ACOT7: variants seen among roughly 807,000 people sequenced by gnomAD.
The protein encoded by ACOT7 is acyl-CoA thioesterase 7.
In ACOT7, 12 loss-of-function variants were observed where a neutral mutation model predicts 40.2. That is an observed-to-expected ratio of 0.30 (90% CI 0.19 to 0.48). ACOT7 has a LOEUF of 0.48. Ranked by LOEUF, ACOT7 falls within the 20% of genes least tolerant of loss-of-function variation. ACOT7 has a pLI of 0.99. For missense variants in ACOT7, 395 were observed against 530.8 expected, an observed-to-expected ratio of 0.74 and a Z score of 2.51; for synonymous variants, 228 against 219.5, an observed-to-expected ratio of 1.04 and a Z score of -0.34.
At chr1:6,354,886 C>A (rs1258456972) in intron 1 of ACOT7, among the ~76,000 whole-genome samples, 1 of 151,490 alleles carries the variant, frequency 6.6e-6, no homozygotes, top group Non-Finnish European at 1.5e-5. Context: ...TCTGCACTTG[C>A]CTCTTGCCTT....
At chr1:6,385,781 G>A (rs1642428345) in intron 1 of ACOT7, 1 of 1,439,024 alleles carries the variant, frequency 6.9e-7, no homozygotes, top group East Asian at 2.5e-5. Context: ...CTCCCTGATA[G>A]AAAGCACCAG....
chr1:6,334,694 C>T (rs1641052181), intron 3 of ACOT7, among the ~76,000 whole-genome samples: 3 of 152,218 alleles, frequency 2.0e-5, no homozygotes, highest in Non-Finnish European at 4.4e-5. Context: ...ACAGGGAAGG[C>T]TGTCCGTGCT....
At chr1:6,327,481 G>T in intron 4 of ACOT7, 68 bp from the exon 5 acceptor site, 1 of 1,447,114 alleles carries the variant, frequency 6.9e-7, no homozygotes. Context: ...GGGCGGCCAT[G>T]ATCCCAGGCC....
intron 6 of ACOT7, among the ~76,000 whole-genome samples, chr1:6,310,610 C>T (rs1640304690): frequency 6.6e-6 from 1 of 152,212 alleles, no homozygotes; most frequent in Non-Finnish European, 1.5e-5. Context: ...TCTGAGGCCC[C>T]TGAATCATCA....
At chr1:6,371,510 G>C (rs991680995) in intron 1 of ACOT7, among the ~76,000 whole-genome samples, 3 of 151,796 alleles carry the variant, frequency 2.0e-5, no homozygotes, top group African/African-American at 7.3e-5. Context: ...CTACAGGCAA[G>C]TGCCACCACA....
intron 8 of ACOT7, among the ~76,000 whole-genome samples, chr1:6,280,642 G>A (rs1639327790): frequency 6.6e-6 from 1 of 152,194 alleles, no homozygotes; most frequent in Non-Finnish European, 1.5e-5. Flanking sequence ...AGGACCACCT[G>A]GAGGGAGCCC....
intron 3 of ACOT7, among the ~76,000 whole-genome samples, chr1:6,336,953 G>A (rs1421753349): frequency 6.6e-6 from 1 of 152,204 alleles, no homozygotes; most frequent in African/African-American, 2.4e-5. Context: ...ACCAAGATAT[G>A]GAGAAAAGCT....
chr1:6,343,954 G>A (rs912460682), intron 2 of ACOT7, among the ~76,000 whole-genome samples: 2 of 152,214 alleles, frequency 1.3e-5, no homozygotes, highest in African/African-American at 2.4e-5. Context: ...CTGGGGGGAC[G>A]GACGAGAAGT....
intron 2 of ACOT7, 149 bp from the exon 3 acceptor site, chr1:6,339,738 G>GTT: frequency 2.2e-5 from 17 of 762,272 alleles, no homozygotes; most frequent in Non-Finnish European, 2.5e-5. Context: ...TTGGCACCGC[G>GTT]GTTTTTTTTT....
chr1:6,370,066 AG>A (rs1272139794), intron 1 of ACOT7, among the ~76,000 whole-genome samples: 1 of 152,170 alleles, frequency 6.6e-6, no homozygotes, highest in Non-Finnish European at 1.5e-5. Context: ...TCCCTCTGGA[AG>A]GGCATGGTGC....
intron 3 of ACOT7, among the ~76,000 whole-genome samples, chr1:6,335,350 A>T (rs901261660): frequency 4.7e-5 from 7 of 150,480 alleles, no homozygotes. Context: ...AAAAAAAAAA[A>T]AATTAGCTGG....
intron 1 of ACOT7, among the ~76,000 whole-genome samples, chr1:6,369,122 T>TAC (rs1219768052): frequency 6.6e-6 from 1 of 151,894 alleles, no homozygotes; most frequent in African/African-American, 2.4e-5. Flanking sequence ...TAGCTGGGAT[T>TAC]ACACACACAT....
intron 1 of ACOT7, among the ~76,000 whole-genome samples, chr1:6,361,574 G>A (rs923474555): frequency 2.0e-5 from 3 of 152,118 alleles, no homozygotes; most frequent in African/African-American, 4.8e-5. Flanking sequence ...CGAGGCAGGC[G>A]GATCATCTGA....
chr1:6,366,596 A>C (rs1378264885), intron 1 of ACOT7, among the ~76,000 whole-genome samples: 1 of 151,950 alleles, frequency 6.6e-6, no homozygotes, highest in South Asian at 2.1e-4. Context: ...CAAATAAAAA[A>C]AAAAAAAAAG....
intron 6 of ACOT7, among the ~76,000 whole-genome samples, chr1:6,295,910 A>G (rs1639799626): frequency 6.6e-6 from 1 of 151,846 alleles, no homozygotes; most frequent in Middle Eastern, 3.2e-3. Flanking sequence ...TGTACACTTT[A>G]TTTTTGTTTT....
chr1:6,381,025 G>T (rs1382694297), intron 1 of ACOT7, among the ~76,000 whole-genome samples: 1 of 150,608 alleles, frequency 6.6e-6, no homozygotes, highest in Admixed American at 6.6e-5. Context: ...CTCCTAAAAC[G>T]CAACAATAAA....
intron 1 of ACOT7, among the ~76,000 whole-genome samples, chr1:6,360,199 G>A (rs553344187): frequency 2.6e-5 from 4 of 152,312 alleles, no homozygotes; most frequent in South Asian, 2.1e-4. Flanking sequence ...TGCTGCCCCC[G>A]CCCAGGGATG....
intron 2 of ACOT7, among the ~76,000 whole-genome samples, chr1:6,347,537 G>A (rs1196445400): frequency 6.6e-6 from 1 of 152,156 alleles, no homozygotes; most frequent in East Asian, 1.9e-4. Context: ...GGCCGACGTG[G>A]GCAGATCACT....
chr1:6,382,802 C>T (rs556789173), intron 1 of ACOT7, among the ~76,000 whole-genome samples: 16 of 151,896 alleles, frequency 1.1e-4, no homozygotes, highest in African/African-American at 3.9e-4. Flanking sequence ...AACACCCTGT[C>T]TCAATTTAAA....
Sources: gnomAD v4.1 joint callset for allele counts (sites outside exome capture counted in the v4.1 genomes callset) on GRCh38, gnomAD v4.1.1 for gene constraint, MANE v1.5 for transcripts, NCBI Gene and HGNC (gene_info 2026-07-23, HGNC 2026-07-21) for gene names.